MARCHF3: variants seen among roughly 807,000 people sequenced by gnomAD.
MARCHF3 encodes E3 ubiquitin-protein ligase MARCHF3.
MARCHF3 carries 13 observed loss-of-function variants against 24.2 expected under a neutral mutation model. The observed-to-expected ratio is 0.54, with a 90% CI of 0.35 to 0.85. The LOEUF (loss-of-function observed/expected upper bound fraction) is 0.85, where lower values mean the gene tolerates loss of function less well. Ranked by LOEUF, MARCHF3 falls within the 40% of genes least tolerant of loss-of-function variation. The probability of loss-of-function intolerance (pLI) is 0.01; values close to 1 mark genes in which losing one functional copy is unlikely to be tolerated. For missense variants in MARCHF3, 276 were observed against 325.0 expected (o/e 0.85, Z 1.16); for synonymous variants, 144 against 137.3 (o/e 1.05, Z -0.34).
At chr5:127,000,299 T>TCCTCTTGAC (rs58889999) in intron 1 of MARCHF3, among the ~76,000 whole-genome samples, 5 of 151,986 alleles carry the variant, frequency 3.3e-5, no homozygotes, top group Admixed American at 2.6e-4. Flanking sequence ...TGCCTCTTGA[T>TCCTCTTGAC]GCTAGAAGAA....
intron 1 of MARCHF3, among the ~76,000 whole-genome samples, chr5:127,022,870 T>C (rs549313865): frequency 2.0e-5 from 3 of 152,314 alleles, no homozygotes; most frequent in East Asian, 3.9e-4. Context: ...GCACCTGCAT[T>C]AAGTGAGGCT....
At chr5:126,952,811 G>T (rs1750299409) in intron 1 of MARCHF3, among the ~76,000 whole-genome samples, 1 of 151,892 alleles carries the variant, frequency 6.6e-6, no homozygotes, top group Non-Finnish European at 1.5e-5. Context: ...AATCCTCTTA[G>T]CCATATAATT....
chr5:126,908,116 A>G (rs1019260835), intron 3 of MARCHF3, among the ~76,000 whole-genome samples: 2 of 152,054 alleles, frequency 1.3e-5, no homozygotes, highest in Admixed American at 1.3e-4. Context: ...CTGGGTTGAA[A>G]ATTCTTTTCT....
chr5:126,905,300 T>A (rs1754248289), intron 3 of MARCHF3, among the ~76,000 whole-genome samples: 1 of 141,772 alleles, frequency 7.1e-6, no homozygotes, highest in Non-Finnish European at 1.5e-5. Flanking sequence ...TGATGTGGGC[T>A]CTTTTTTGGT....
chr5:126,965,994 T>C (rs1374421750), intron 1 of MARCHF3, among the ~76,000 whole-genome samples: 1 of 152,232 alleles, frequency 6.6e-6, no homozygotes, highest in African/African-American at 2.4e-5. Flanking sequence ...AATGAATTAC[T>C]ACTCAGTAAT....
chr5:126,994,850 C>T lies in MARCHF3; in HGVS notation c.-57+35500G>A, dbSNP rs1751894302. The stretch of plus-strand genomic sequence containing the variant: ...AAAGTAGGGAAGCCAACAGTGCAGC[C>T]TTCAGCCGGTGGCCGAAGGCCCAAG... On this transcript the variant is annotated intron_variant, in intron 1 of 4. Transcript: ENST00000308660. 1.3e-5 allele frequency among the ~76,000 whole-genome samples: 2 copies of T among 152,236 alleles called. 1 individual carries two copies. The highest frequency in any genetic ancestry group is 4.1e-4 in the South Asian group (2 of 4,828).
intron 1 of MARCHF3, among the ~76,000 whole-genome samples, chr5:126,955,618 C>T (rs1217858862): frequency 6.6e-6 from 1 of 152,186 alleles, no homozygotes; most frequent in South Asian, 2.1e-4. Flanking sequence ...CTGTGTATTG[C>T]CTGAGGGTAT....
chr5:126,889,619 T>C (rs1753612629), intron 3 of MARCHF3, among the ~76,000 whole-genome samples: 1 of 152,066 alleles, frequency 6.6e-6, no homozygotes, highest in Admixed American at 6.6e-5. Flanking sequence ...TTCTTCCAAA[T>C]AGAAGGACCA....
intron 4 of MARCHF3, among the ~76,000 whole-genome samples, chr5:126,871,643 A>G (rs1011340556): frequency 6.6e-6 from 1 of 152,198 alleles, no homozygotes; most frequent in African/African-American, 2.4e-5. Flanking sequence ...TTTGCTGAGT[A>G]AATGAATGAG....
At chr5:126,876,656 C>CT (rs757243862) in intron 4 of MARCHF3, among the ~76,000 whole-genome samples, 2,047 of 147,534 alleles carry the variant, frequency 0.014, 11 homozygotes, top group African/African-American at 0.024. Flanking sequence ...GAAGCGTAGA[C>CT]TTTTTTTTTT....
chr5:126,949,633 C>T (rs1750149429), intron 1 of MARCHF3, among the ~76,000 whole-genome samples: 1 of 152,184 alleles, frequency 6.6e-6, no homozygotes, highest in South Asian at 2.1e-4. Flanking sequence ...GAGAGACAGA[C>T]ATGTGGCCAG....
intron 3 of MARCHF3, among the ~76,000 whole-genome samples, chr5:126,880,151 C>CA (rs1029221801): frequency 6.6e-6 from 1 of 152,128 alleles, no homozygotes; most frequent in African/African-American, 2.4e-5. Flanking sequence ...TAAGGCCTGG[C>CA]AAAACCCCAA....
chr5:126,970,786 A>G (rs1173759916), intron 1 of MARCHF3, among the ~76,000 whole-genome samples: 1 of 152,238 alleles, frequency 6.6e-6, no homozygotes. Context: ...TTCAAAGGCC[A>G]GCCAAAAGCT....
intron 1 of MARCHF3, among the ~76,000 whole-genome samples, chr5:126,983,688 C>G (rs1436370847): frequency 6.6e-6 from 1 of 152,094 alleles, no homozygotes; most frequent in African/African-American, 2.4e-5. Flanking sequence ...GCTGAGGAGC[C>G]AGGTCCCTCG....
rs190869239 is a variant in MARCHF3, at chr5:126,900,097, C to T, written c.393+14833G>A. On this transcript the variant is annotated intron_variant, in intron 3 of 4. Transcript: ENST00000308660. Reference sequence around the variant, plus strand: ...CTTGCTAACTCTCTGATTTAATAGACGAATCTGGTGTCAAGAGGAAATAAG... The same window carrying T: ...CTTGCTAACTCTCTGATTTAATAGATGAATCTGGTGTCAAGAGGAAATAAG... Among the ~76,000 whole-genome samples, 62 of 152,172 alleles carry T rather than the reference C, an allele frequency of 4.1e-4. 1 individual carries two copies. The highest frequency in any genetic ancestry group is 1.5e-3 in the African/African-American group (61 of 41,484).
chr5:126,895,419 G>A (rs1036705111), intron 3 of MARCHF3, among the ~76,000 whole-genome samples: 1 of 151,986 alleles, frequency 6.6e-6, no homozygotes, highest in Admixed American at 6.6e-5. Flanking sequence ...TTTCTGTTCT[G>A]TTTTTTTCCC....
chr5:126,893,033 G>C lies in MARCHF3; in HGVS notation c.394-14639C>G, dbSNP rs374210754. On this transcript the variant is annotated intron_variant, in intron 3 of 4. Coordinates refer to ENST00000308660, the MANE Select transcript of MARCHF3 (RefSeq NM_178450.5). ...TGAGTCTTGGGAGGGTGTATGTGTC[G>C]AGGAATTTATCCATTTCTTCTAGAT... Among the ~76,000 whole-genome samples, 81 of 151,886 alleles carry C rather than the reference G, an allele frequency of 5.3e-4. 1 individual carries two copies. The highest frequency in any genetic ancestry group is 1.6e-3 in the Admixed American group (25 of 15,204).
At chr5:127,006,627 T>C (rs540593697) in intron 1 of MARCHF3, among the ~76,000 whole-genome samples, 158 of 152,326 alleles carry the variant, frequency 1.0e-3, no homozygotes, top group Non-Finnish European at 1.9e-3. Flanking sequence ...TAATGAAATA[T>C]GAAACACTTT....
At chr5:126,987,207 T>C (rs192900928) in intron 1 of MARCHF3, among the ~76,000 whole-genome samples, 1 of 152,324 alleles carries the variant, frequency 6.6e-6, no homozygotes, top group Non-Finnish European at 1.5e-5. Context: ...AGTTATTCAT[T>C]AGTGGGTATA....
Sources: allele counts gnomAD v4.1 joint callset (sites outside exome capture counted in the v4.1 genomes callset), GRCh38; gene constraint gnomAD v4.1.1; transcripts MANE v1.5; gene names NCBI Gene and HGNC (gene_info 2026-07-23, HGNC 2026-07-21).